The following C1orf50 variants were observed in gnomAD, a reference collection of about 807,000 sequenced individuals.
The protein encoded by C1orf50 is chromosome 1 open reading frame 50.
A neutral mutation model predicts 23.3 loss-of-function variants in C1orf50; 22 were observed. The ratio of observed to expected loss-of-function variants is 0.94; its 90% CI spans 0.67 to 1.35. The LOEUF is 1.35. Among genes scored for constraint, C1orf50 ranks in the 40% most tolerant of loss-of-function variants. C1orf50 has a pLI of 0.00. For missense variants in C1orf50, 271 were observed against 249.4 expected, an observed-to-expected ratio of 1.09 and a Z score of -0.58; for synonymous variants, 96 against 102.4, an observed-to-expected ratio of 0.94 and a Z score of 0.38.
chr1:42,774,805 C>T lies in C1orf50; in HGVS notation c.351C>T (p.Gly117=). 1 of 1,613,678 alleles carries T rather than the reference C, an allele frequency of 6.2e-7. No homozygotes were observed. The highest frequency in any genetic ancestry group is 8.5e-7 in the Non-Finnish European group (1 of 1,179,828). Reference sequence around the variant, plus strand: ...CTTGTAATATAGTGAAAAAACCTGGCAACATTTACTATCTCTATAAACGGG... The same window carrying T: ...CTTGTAATATAGTGAAAAAACCTGGTAACATTTACTATCTCTATAAACGGG... ...HVACNIVKKP[G]NIYYLYKRES... Residue 117 remains glycine, a synonymous_variant, in exon 4 of 5, where the codon GGC becomes GGT. Coordinates refer to ENST00000372525, the MANE Select transcript of C1orf50 (RefSeq NM_024097.4).
intron 2 of C1orf50, among the ~76,000 whole-genome samples, chr1:42,768,750 C>CATAT (rs57666899): frequency 0.055 from 8,362 of 152,146 alleles, 579 homozygotes; most frequent in African/African-American, 0.15. Flanking sequence ...GTGCACACAA[C>CATAT]GTATTCATGT....
intron 2 of C1orf50, 92 bp from the exon 3 acceptor site, chr1:42,773,471 C>A: frequency 1.3e-6 from 1 of 795,882 alleles, no homozygotes; most frequent in Non-Finnish European, 2.0e-6. Flanking sequence ...TAGGCAGAAG[C>A]AAAATATTAA....
chr1:42,778,485 G>A lies in C1orf50; in HGVS notation c.*3091G>A, dbSNP rs1220879299. 6.6e-6 allele frequency: 1 copy of A among 152,196 alleles called. No homozygotes were observed. Among genetic ancestry groups the A allele is most frequent in the Non-Finnish European group, 1.5e-5 (1 of 68,042 alleles). The allele number at this position is 152,196 out of a possible 1,614,324, so 9.4% of individuals were successfully genotyped here. On this transcript the variant is annotated 3_prime_UTR_variant, in exon 5 of 5. Coordinates refer to ENST00000372525, the MANE Select transcript of C1orf50 (RefSeq NM_024097.4). ...CCATACAAGTTAGAACTTTCTGGAG[G>A]CTCCAATTGCCCTTTCATAGGAAGT...
intron 2 of C1orf50, 82 bp downstream of exon 2, chr1:42,767,706 A>C: frequency 8.0e-7 from 1 of 1,242,346 alleles, no homozygotes; most frequent in Non-Finnish European, 1.1e-6. Flanking sequence ...CCTCACTACC[A>C]CCTATGGTGG....
At position 42,775,462 on chromosome 1, in the gene C1orf50, C is replaced by A; in HGVS notation, c.*68C>A. The A allele has an allele frequency of 7.0e-7, 1 of 1,421,244 alleles. No homozygotes were observed. The highest frequency in any genetic ancestry group is 1.4e-5 in the South Asian group (1 of 71,378). 88.0% of individuals were successfully genotyped at this position (1,421,244 alleles called of 1,614,324 possible). ...ACCTCCTTGTTGCCCCCACTGTTGC[C>A]TTGAGAATTGAAGACATGTAGGTGA... On this transcript the variant is annotated 3_prime_UTR_variant, in exon 5 of 5. Coordinates refer to ENST00000372525, the MANE Select transcript of C1orf50 (RefSeq NM_024097.4).
In C1orf50 at chr1:42,774,813, A is replaced by T. The variant is rs763681234; in HGVS notation, c.359A>T (p.Tyr120Phe). Residue 120 changes from tyrosine (Y) to phenylalanine (F), a missense_variant, in exon 4 of 5, where the codon TAC becomes TTC. Physicochemically the swap from Tyr to Phe is conservative, Grantham distance 22. Coordinates refer to ENST00000372525, the MANE Select transcript of C1orf50 (RefSeq NM_024097.4). ...ATAGTGAAAAAACCTGGCAACATTTACTATCTCTATAAACGGGAGAGTGGT... is the reference window on the plus strand; with the variant it reads ...ATAGTGAAAAAACCTGGCAACATTTTCTATCTCTATAAACGGGAGAGTGGT... ...CNIVKKPGNI[Y>F]YLYKRESGQQ... 1.2e-6 allele frequency: 2 copies of T among 1,613,794 alleles called. No individual in the cohort carries two copies. The highest frequency in any genetic ancestry group is 1.7e-6 in the Non-Finnish European group (2 of 1,179,902).
rs1438982983 is a variant in C1orf50 at position 42,777,732 on chromosome 1, T to G, written c.*2338T>G. ...AGATCCTAGAATCTATCTGCCACAG[T>G]GCTCAGTTGAGAAGAAGAAAGGAAA... On this transcript the variant is annotated 3_prime_UTR_variant, in exon 5 of 5. Coordinates refer to ENST00000372525, the MANE Select transcript of C1orf50 (RefSeq NM_024097.4). 6.6e-6 allele frequency: 1 copy of G among 152,176 alleles called. No individual in the cohort carries two copies. The highest frequency in any genetic ancestry group is 2.4e-5 in the African/African-American group (1 of 41,438). The allele number at this position is 152,176 out of a possible 1,614,324, so 9.4% of individuals were successfully genotyped here.
At chr1:42,769,270 G>C (rs565797416) in intron 2 of C1orf50, among the ~76,000 whole-genome samples, 37 of 152,204 alleles carry the variant, frequency 2.4e-4, no homozygotes, top group African/African-American at 8.9e-4. Context: ...ATGAGGCTGG[G>C]TGTGGTGGCT....
At chr1:42,773,521 TTTCCTC>T in intron 2 of C1orf50, 36 bp from the exon 3 acceptor site, 2 of 1,207,652 alleles carry the variant, frequency 1.7e-6, no homozygotes, top group Non-Finnish European at 1.2e-6. Flanking sequence ...ATAGAAGTCT[TTTCCTC>T]TTTCAACCCA....
intron 2 of C1orf50, among the ~76,000 whole-genome samples, chr1:42,768,179 C>T (rs1371843499): frequency 6.6e-6 from 1 of 152,226 alleles, no homozygotes; most frequent in African/African-American, 2.4e-5. Flanking sequence ...AGTTTGGACA[C>T]ATGAGTATTA....
rs774764217 is a variant in C1orf50, at chr1:42,767,630, G to T, written c.195+6G>T. 8.1e-6 allele frequency: 13 copies of T among 1,607,390 alleles called. No individual in the cohort carries two copies. The highest frequency in any genetic ancestry group is 1.0e-5 in the Non-Finnish European group (12 of 1,177,078). The stretch of plus-strand genomic sequence containing the variant: ...TCGCAGAGCAGGTGCAGAAGGTGAG[G>T]AGGCGCGGCCGGGGCAGCGAATAAC... On this transcript the variant is annotated splice_donor_region_variant and intron_variant, in intron 2 of 4. Coordinates refer to ENST00000372525, the MANE Select transcript of C1orf50 (RefSeq NM_024097.4).
At position 42,777,470 on chromosome 1, in the gene C1orf50, C is replaced by G. The variant is rs1348415856; in HGVS notation, c.*2076C>G. On this transcript the variant is annotated 3_prime_UTR_variant, in exon 5 of 5. Transcript: ENST00000372525. ...TGTTGGCTGGAGGTTGCCCTCACTTCCTTGCCACACGAGCCTCTATAACAT... is the reference window on the plus strand; with the variant it reads ...TGTTGGCTGGAGGTTGCCCTCACTTGCTTGCCACACGAGCCTCTATAACAT... 1 of 152,258 alleles carries G rather than the reference C, an allele frequency of 6.6e-6. No homozygotes were observed. Among genetic ancestry groups the G allele is most frequent in the African/African-American group, 2.4e-5 (1 of 41,440 alleles). 9.4% of individuals were successfully genotyped at this position (152,258 alleles called of 1,614,324 possible).
At chr1:42,771,227 TACTC>T (rs994334155) in intron 2 of C1orf50, among the ~76,000 whole-genome samples, 1 of 152,248 alleles carries the variant, frequency 6.6e-6, no homozygotes, top group African/African-American at 2.4e-5. Context: ...TGGTATCTAT[TACTC>T]ACTGGAGCTG....
rs1396699320 is a variant in C1orf50, at chr1:42,776,478, ACTTGAACTGACAATTGGC to A, written c.*1086_*1103del. 6.6e-6 allele frequency: 1 copy of A among 152,252 alleles called. No individual in the cohort carries two copies. Among genetic ancestry groups the A allele is most frequent in the Non-Finnish European group, 1.5e-5 (1 of 68,078 alleles). The allele number at this position is 152,252 out of a possible 1,614,324, so 9.4% of individuals were successfully genotyped here. A position where few individuals can be genotyped will look rare whatever the true frequency, so the allele number is the denominator to read the frequency against. On this transcript the variant is annotated 3_prime_UTR_variant, in exon 5 of 5. Transcript: ENST00000372525. ...GCTGTAAAAGGAGGGAGAGATGTGT[ACTTGAACTGACAATTGGC>A]CAAATTTCTCTCTGGGAATGATGTT...
chr1:42,769,626 GAGATCAGGAATTCA>G, intron 2 of C1orf50: 1 of 151,686 alleles, frequency 6.6e-6, no homozygotes, highest in African/African-American at 2.4e-5. Flanking sequence ...GGTGGATCAC[GAGATCAGGAATTCA>G]AGACCAGCCT....
intron 2 of C1orf50, among the ~76,000 whole-genome samples, chr1:42,770,135 T>G (rs2124186594): frequency 6.6e-6 from 1 of 152,346 alleles, no homozygotes; most frequent in African/African-American, 2.4e-5. Flanking sequence ...TTAGTAGTTG[T>G]AGGTACTCTT....
intron 2 of C1orf50, among the ~76,000 whole-genome samples, chr1:42,770,683 C>G (rs955659496): frequency 1.9e-4 from 29 of 152,166 alleles, no homozygotes; most frequent in African/African-American, 6.5e-4. Context: ...CCATCCGCTA[C>G]GGCCTCCCAA....
intron 2 of C1orf50, among the ~76,000 whole-genome samples, chr1:42,770,390 A>G (rs187519740): frequency 7.4e-4 from 112 of 151,416 alleles, no homozygotes; most frequent in Non-Finnish European, 1.2e-3. Context: ...CTCTAGAAAT[A>G]CCTACTCTCT....
intron 2 of C1orf50, among the ~76,000 whole-genome samples, chr1:42,772,469 G>C (rs1653243087): frequency 6.6e-6 from 1 of 152,150 alleles, no homozygotes; most frequent in African/African-American, 2.4e-5. Flanking sequence ...TCCTAGCTTT[G>C]AGAATTTGAT....
Sources: allele counts gnomAD v4.1 joint callset (sites outside exome capture counted in the v4.1 genomes callset), GRCh38; gene constraint gnomAD v4.1.1; transcripts MANE v1.5; gene names NCBI Gene and HGNC (gene_info 2026-07-23, HGNC 2026-07-21).